RPS6KC1: variants seen among roughly 807,000 people sequenced by gnomAD.
RPS6KC1 encodes ribosomal protein S6 kinase C1.
RPS6KC1 carries 54 observed loss-of-function variants against 103.8 expected under a neutral mutation model. The observed-to-expected ratio is 0.52, with a 90% CI of 0.42 to 0.65. RPS6KC1 has a LOEUF of 0.65. Among genes scored for constraint, RPS6KC1 ranks in the 30% least tolerant of loss-of-function variants. The pLI is 0.00. For synonymous variants in RPS6KC1, 439 were observed against 438.7 expected, an observed-to-expected ratio of 1.00 and a Z score of -0.01; for missense variants, 1,151 against 1,253.8, an observed-to-expected ratio of 0.92 and a Z score of 1.24.
In RPS6KC1 at chr1:213,272,791, T is replaced by C. The variant is rs983058171; in HGVS notation, c.*157T>C. ...GGGGGAAATGGCTAAAAGAGAACAATTCGTTTACAATTACAAGATATTAGC... is the reference window on the plus strand; with the variant it reads ...GGGGGAAATGGCTAAAAGAGAACAACTCGTTTACAATTACAAGATATTAGC... On this transcript the variant is annotated 3_prime_UTR_variant, in exon 15 of 15. Coordinates refer to ENST00000366960, the MANE Select transcript of RPS6KC1 (RefSeq NM_012424.6). 1.7e-5 allele frequency: 10 copies of C among 574,328 alleles called. No homozygotes were observed. The highest frequency in any genetic ancestry group is 1.5e-4 in the African/African-American group (8 of 53,158). The allele number at this position is 574,328 out of a possible 1,614,324, so 35.6% of individuals were successfully genotyped here.
chr1:213,214,186 C>G (rs948632914), intron 8 of RPS6KC1, among the ~76,000 whole-genome samples: 1 of 152,222 alleles, frequency 6.6e-6, no homozygotes, highest in Admixed American at 6.5e-5. Flanking sequence ...CCTAATACTG[C>G]GCTTTTCCAA....
the RPS6KC1 span, among the ~76,000 whole-genome samples, chr1:213,826,634 C>A: frequency 6.6e-6 from 1 of 152,186 alleles, no homozygotes; most frequent in Admixed American, 6.5e-5. Context: ...GTGTGGGCCC[C>A]TTCTAAGGTC....
intron 6 of RPS6KC1, among the ~76,000 whole-genome samples, chr1:213,149,395 A>G (rs1473171709): frequency 6.6e-6 from 1 of 151,952 alleles, no homozygotes; most frequent in Non-Finnish European, 1.5e-5. Context: ...TTACTTCTTC[A>G]TTTACTCACT....
At chr1:213,202,239 A>G (rs1482759448) in intron 8 of RPS6KC1, among the ~76,000 whole-genome samples, 1 of 152,118 alleles carries the variant, frequency 6.6e-6, no homozygotes, top group Non-Finnish European at 1.5e-5. Context: ...GTATTACAGT[A>G]TCATTATTCA....
chr1:213,097,358 T>A (rs2081559476), intron 3 of RPS6KC1, among the ~76,000 whole-genome samples: 1 of 152,008 alleles, frequency 6.6e-6, no homozygotes, highest in Non-Finnish European at 1.5e-5. Flanking sequence ...TCAAAAAAAA[T>A]TTTTTTGAAA....
At chr1:213,504,374 A>T in the RPS6KC1 span, among the ~76,000 whole-genome samples, 1 of 151,914 alleles carries the variant, frequency 6.6e-6, no homozygotes, top group South Asian at 2.1e-4. Context: ...AAATATATGG[A>T]ATTCCTTTTT....
In RPS6KC1 at chr1:213,168,056, A is replaced by G. The variant is rs1218326169; in HGVS notation, c.951+83A>G. 7 of 781,250 alleles carry G rather than the reference A, an allele frequency of 9.0e-6. No individual in the cohort carries two copies. In the African/African-American group the frequency reaches 1.3e-4, roughly 14 times the overall value. The allele number at this position is 781,250 out of a possible 1,614,324, so 48.4% of individuals were successfully genotyped here. ...CTGCTTTATTTCTAATTAGAATGTT[A>G]TAGGATTTTGATTTTTTGAATTTTA... On this transcript the variant is annotated intron_variant, in intron 7 of 14. Coordinates refer to ENST00000366960, the MANE Select transcript of RPS6KC1 (RefSeq NM_012424.6).
At chr1:213,751,552 G>C in the RPS6KC1 span, among the ~76,000 whole-genome samples, 1 of 152,266 alleles carries the variant, frequency 6.6e-6, no homozygotes, top group African/African-American at 2.4e-5. Context: ...CAGCTGCCCT[G>C]ATGTGGACAG....
the RPS6KC1 span, among the ~76,000 whole-genome samples, chr1:213,700,348 T>C: frequency 2.6e-5 from 4 of 152,190 alleles, no homozygotes; most frequent in African/African-American, 9.6e-5. Context: ...TTGTTGAAAA[T>C]GAGTTTATGT....
the RPS6KC1 span, among the ~76,000 whole-genome samples, chr1:213,550,320 A>G: frequency 6.6e-6 from 1 of 152,252 alleles, no homozygotes; most frequent in Non-Finnish European, 1.5e-5. Context: ...TTCCTCAGGC[A>G]GGTAAGCACA....
At chr1:213,303,227 A>T in the RPS6KC1 span, among the ~76,000 whole-genome samples, 2 of 152,206 alleles carry the variant, frequency 1.3e-5, no homozygotes, top group Non-Finnish European at 2.9e-5. Flanking sequence ...AGTCAGTTTC[A>T]GGATGAGCGG....
chr1:213,253,346 C>T (rs1014361484), intron 12 of RPS6KC1, among the ~76,000 whole-genome samples: 1 of 152,110 alleles, frequency 6.6e-6, no homozygotes, highest in African/African-American at 2.4e-5. Context: ...GACGGTGTGT[C>T]TTAACACATA....
At chr1:213,275,300 A>G (rs2095110141), downstream of RPS6KC1, among the ~76,000 whole-genome samples, 1 of 152,168 alleles carries the variant, frequency 6.6e-6, no homozygotes. Flanking sequence ...GCTTTCTGTC[A>G]TTCAATTTTG....
At chr1:213,700,379 G>A in the RPS6KC1 span, among the ~76,000 whole-genome samples, 1 of 151,778 alleles carries the variant, frequency 6.6e-6, no homozygotes, top group Non-Finnish European at 1.5e-5. Flanking sequence ...TTATTTCTTG[G>A]TTCTCTGTTT....
chr1:213,547,304 A>AT, the RPS6KC1 span, among the ~76,000 whole-genome samples: 1 of 152,086 alleles, frequency 6.6e-6, no homozygotes, highest in Admixed American at 6.5e-5. Flanking sequence ...CTGGCTCTAG[A>AT]TTTTTTCATT....
the RPS6KC1 span, among the ~76,000 whole-genome samples, chr1:213,443,585 G>A: frequency 6.6e-6 from 1 of 152,230 alleles, no homozygotes; most frequent in Non-Finnish European, 1.5e-5. Context: ...CTGGGAGACT[G>A]GCTGGGGGTA....
At chr1:213,466,302 T>C in the RPS6KC1 span, among the ~76,000 whole-genome samples, 1 of 152,218 alleles carries the variant, frequency 6.6e-6, no homozygotes, top group African/African-American at 2.4e-5. Flanking sequence ...TTGTTGATAC[T>C]ATTTTGTTAA....
At chr1:213,142,247 C>G (rs1362170541) in intron 6 of RPS6KC1, among the ~76,000 whole-genome samples, 2 of 151,946 alleles carry the variant, frequency 1.3e-5, no homozygotes, top group African/African-American at 4.8e-5. Flanking sequence ...CATTCCTTTA[C>G]TTTGAGCCTG....
the RPS6KC1 span, among the ~76,000 whole-genome samples, chr1:213,693,205 T>G: frequency 2.0e-5 from 3 of 152,108 alleles, no homozygotes; most frequent in African/African-American, 4.8e-5. Context: ...AAGCTAAGAG[T>G]GCCACCTGGC....
Sources: allele counts gnomAD v4.1 joint callset (sites outside exome capture counted in the v4.1 genomes callset), GRCh38; gene constraint gnomAD v4.1.1; transcripts MANE v1.5; gene names NCBI Gene and HGNC (gene_info 2026-07-23, HGNC 2026-07-21).